The following ANKRD18A variants were observed in gnomAD, a reference collection of about 807,000 sequenced individuals.
The protein encoded by ANKRD18A is ankyrin repeat domain 18A, also known as ankyrin repeat domain-containing protein 18A.
In ANKRD18A, 72 loss-of-function variants were observed where a neutral mutation model predicts 110.6. That is an observed-to-expected ratio of 0.65 (90% CI 0.54 to 0.79). The LOEUF is 0.79. Ranked by LOEUF, ANKRD18A falls within the 30% of genes least tolerant of loss-of-function variation. The probability of loss-of-function intolerance (pLI) is 0.00; values close to 1 mark genes in which losing one functional copy is unlikely to be tolerated. For synonymous variants in ANKRD18A, 305 were observed against 410.3 expected (o/e 0.74, Z 3.10); for missense variants, 934 against 1,163.3 (o/e 0.80, Z 2.87).
chr9:38,598,928 T>G (rs566134442), intron 8 of ANKRD18A, among the ~76,000 whole-genome samples: 1 of 152,366 alleles, frequency 6.6e-6, no homozygotes, highest in Admixed American at 6.5e-5. Context: ...ACTTTTTGGA[T>G]CTACAGACTG....
intron 10 of ANKRD18A, among the ~76,000 whole-genome samples, chr9:38,588,990 C>G (rs1824514153): frequency 6.6e-6 from 1 of 152,114 alleles, no homozygotes. Context: ...TTTAAAGATG[C>G]TCTAGAAACA....
At chr9:38,597,053 T>C (rs1824914472) in intron 8 of ANKRD18A, among the ~76,000 whole-genome samples, 1 of 152,156 alleles carries the variant, frequency 6.6e-6, no homozygotes, top group Non-Finnish European at 1.5e-5. Context: ...GGCTTCTGAC[T>C]CTACTTCTAG....
intron 10 of ANKRD18A, among the ~76,000 whole-genome samples, chr9:38,592,288 G>A (rs1824685249): frequency 6.6e-6 from 1 of 152,194 alleles, no homozygotes; most frequent in East Asian, 1.9e-4. Flanking sequence ...AAGGATAGGC[G>A]ACATTCATGT....
intron 5 of ANKRD18A, among the ~76,000 whole-genome samples, chr9:38,609,289 C>T (rs187502912): frequency 3.3e-5 from 5 of 152,152 alleles, no homozygotes; most frequent in African/African-American, 1.2e-4. Context: ...ACCATCCTGG[C>T]TAACATGGTG....
chr9:38,573,033 C>T (rs1360792755), intron 15 of ANKRD18A: 6 of 1,142,080 alleles, frequency 5.3e-6, no homozygotes, highest in Non-Finnish European at 7.2e-6. Context: ...GCTATTTACA[C>T]TTTATTACTA....
chr9:38,586,930 A>G (rs775609576), intron 11 of ANKRD18A, among the ~76,000 whole-genome samples: 4 of 152,226 alleles, frequency 2.6e-5, no homozygotes, highest in Non-Finnish European at 4.4e-5. Flanking sequence ...GAAATAACGT[A>G]TTAGTAAATA....
In ANKRD18A at chr9:38,593,975, G is replaced by C. The variant is rs1423764489; in HGVS notation, c.1855-66C>G. ...ATTATTAAATTATGTTAATATTTAA[G>C]TCTAGCATACATACTTTGAAAATTA... On this transcript the variant is annotated intron_variant, in intron 9 of 15. Coordinates refer to ENST00000399703, the MANE Select transcript of ANKRD18A (RefSeq NM_147195.4). The C allele has an allele frequency of 2.2e-6, 3 of 1,374,536 alleles. No homozygotes were observed. In the East Asian group the frequency reaches 8.0e-5, roughly 37 times the overall value. 85.1% of individuals were successfully genotyped at this position (1,374,536 alleles called of 1,614,324 possible). A position where few individuals can be genotyped will look rare whatever the true frequency, so the allele number is the denominator to read the frequency against.
At chr9:38,574,036 G>A (rs1162707788) in intron 15 of ANKRD18A, among the ~76,000 whole-genome samples, 1 of 152,154 alleles carries the variant, frequency 6.6e-6, no homozygotes. Flanking sequence ...CCAAGAAGCA[G>A]TTTTTCAACC....
At chr9:38,596,768 T>C (rs1824900306) in intron 8 of ANKRD18A, among the ~76,000 whole-genome samples, 1 of 152,172 alleles carries the variant, frequency 6.6e-6, no homozygotes, top group Non-Finnish European at 1.5e-5. Context: ...TACTCTGATA[T>C]CTAACCCAGA....
rs1765381 is a variant in ANKRD18A at position 38,615,782 on chromosome 9, T to C, written c.322-15A>G. 0.39 allele frequency: 621,732 copies of C among 1,604,156 alleles called. 122,680 individuals are homozygous for C. Among genetic ancestry groups the C allele is most frequent in the East Asian group, 0.52 (23,331 of 44,818 alleles). On this transcript the variant is annotated splice_polypyrimidine_tract_variant and intron_variant, in intron 2 of 15. Coordinates refer to ENST00000399703, the MANE Select transcript of ANKRD18A (RefSeq NM_147195.4). ...CTGTGTACAGCCTATTAGTGTTAGATAAAAAACTAGACTATAAATTCTAAG... is the reference window on the plus strand; with the variant it reads ...CTGTGTACAGCCTATTAGTGTTAGACAAAAAACTAGACTATAAATTCTAAG...
At chr9:38,577,370 T>G (rs1420175832) in intron 13 of ANKRD18A, 106 bp from the exon 14 acceptor site, 69 of 1,150,658 alleles carry the variant, frequency 6.0e-5, no homozygotes. Context: ...ATTTTGAGTA[T>G]GTTGAAAAGA....
chr9:38,588,383 T>C (rs997435671), intron 11 of ANKRD18A, among the ~76,000 whole-genome samples, 168 bp downstream of exon 11: 3 of 152,172 alleles, frequency 2.0e-5, no homozygotes, highest in African/African-American at 7.2e-5. Flanking sequence ...CCTGCTCACA[T>C]GCCTATAAAG....
chr9:38,599,782 GA>G (rs1397854463), intron 8 of ANKRD18A, among the ~76,000 whole-genome samples: 1 of 152,150 alleles, frequency 6.6e-6, no homozygotes. Context: ...AATTTTAAAG[GA>G]AGTCCTGAAT....
intron 10 of ANKRD18A, among the ~76,000 whole-genome samples, chr9:38,591,132 A>ATTTT (rs916755859): frequency 7.1e-6 from 1 of 140,228 alleles, no homozygotes; most frequent in Non-Finnish European, 1.6e-5. Flanking sequence ...CAGCTGTTTA[A>ATTTT]TTTTTTTTTT....
chr9:38,613,028 A>G (rs1377348734), intron 3 of ANKRD18A, among the ~76,000 whole-genome samples: 2 of 152,082 alleles, frequency 1.3e-5, no homozygotes, highest in East Asian at 3.9e-4. Flanking sequence ...TATATAAACT[A>G]TAGACTATAT....
intron 6 of ANKRD18A, chr9:38,604,228 G>T (rs1231058485): frequency 1.3e-5 from 2 of 151,566 alleles, no homozygotes; most frequent in African/African-American, 2.4e-5. Flanking sequence ...AACCTGGGAG[G>T]TGAAGGCTGC....
chr9:38,617,976 T>C (rs1825926130), intron 1 of ANKRD18A, among the ~76,000 whole-genome samples: 1 of 152,194 alleles, frequency 6.6e-6, no homozygotes, highest in Non-Finnish European at 1.5e-5. Flanking sequence ...AATCTATCAT[T>C]GTTTGCCTAT....
Position 38,601,124 on chromosome 9 carries a change from TACA to T in ANKRD18A, c.936+4_936+6del. 6.4e-7 allele frequency: 1 copy of T among 1,551,912 alleles called. No homozygotes were observed. The highest frequency in any genetic ancestry group is 8.7e-7 in the Non-Finnish European group (1 of 1,146,834). Reference sequence around the variant, plus strand: ...GTATTAAACCAGAAATTTAAATTGTTACATACCTGTGGCTGTTTATTTTCACTT... The same window carrying T: ...GTATTAAACCAGAAATTTAAATTGTTTACCTGTGGCTGTTTATTTTCACTT... On this transcript the variant is annotated splice_donor_5th_base_variant and intron_variant, in intron 8 of 15. Transcript: ENST00000399703.
At chr9:38,578,270 T>G (rs962461829) in intron 12 of ANKRD18A, 122 bp from the exon 13 acceptor site, 1 of 961,530 alleles carries the variant, frequency 1.0e-6, no homozygotes, top group South Asian at 2.0e-5. Context: ...ATGTAGTAGA[T>G]TCTTCAAATG....
Sources: gnomAD v4.1 joint callset for allele counts (sites outside exome capture counted in the v4.1 genomes callset) on GRCh38, gnomAD v4.1.1 for gene constraint, MANE v1.5 for transcripts, NCBI Gene and HGNC (gene_info 2026-07-23, HGNC 2026-07-21) for gene names.